Variants in TET2 observed in about 807,000 individuals in gnomAD.
TET2 encodes the protein tet methylcytosine dioxygenase 2, also known as methylcytosine dioxygenase TET2.
In TET2, 299 loss-of-function variants were observed where a neutral mutation model predicts 142.9. The ratio of observed to expected loss-of-function variants is 2.09; its 90% CI spans 1.90 to 2.30. The LOEUF (loss-of-function observed/expected upper bound fraction) is 2.30. TET2 is among the 30% of genes most tolerant of loss of function. The pLI, the probability that TET2 is intolerant of heterozygous loss-of-function variation, is 0.00. For missense variants in TET2, 2,418 were observed against 2,378.0 expected, an observed-to-expected ratio of 1.02 and a Z score of -0.35; for synonymous variants, 819 against 849.0, an observed-to-expected ratio of 0.96 and a Z score of 0.61.
rs1295500116 is a variant in TET2, at chr4:105,243,725, GACGCTGAGGAAATACGGC to G, written c.3756_3773del (p.Arg1253_Leu1258del). 1 of 1,551,604 alleles carries G rather than the reference GACGCTGAGGAAATACGGC, an allele frequency of 6.4e-7. No individual in the cohort carries two copies. The highest frequency in any genetic ancestry group is 8.7e-7 in the Non-Finnish European group (1 of 1,146,960). ...ACAAACTCTACTCGGAGCTTACCGA[GACGCTGAGGAAATACGGC>G]ACGCTCACCAATCGCCGGTGTGCCT... On this transcript the variant is annotated inframe_deletion, in exon 6 of 11. Coordinates refer to ENST00000380013, the MANE Select transcript of TET2 (RefSeq NM_001127208.3).
intron 2 of TET2, among the ~76,000 whole-genome samples, chr4:105,231,636 A>G (rs951328544): frequency 3.9e-5 from 6 of 152,302 alleles, no homozygotes; most frequent in East Asian, 1.9e-4. Flanking sequence ...TTCAACATCT[A>G]TATTCTTATT....
chr4:105,207,362 C>G (rs141228675), intron 2 of TET2, among the ~76,000 whole-genome samples: 4 of 152,124 alleles, frequency 2.6e-5, no homozygotes, highest in Non-Finnish European at 4.4e-5. Context: ...GTGAATAACT[C>G]AAACTGGAAA....
intron 5 of TET2, 72 bp from the exon 6 acceptor site, chr4:105,243,498 C>T: frequency 7.3e-7 from 1 of 1,361,464 alleles, no homozygotes. Flanking sequence ...GTGCCCTTAT[C>T]TGCTGCAAGT....
At chr4:105,198,142 G>T (rs972743177) in intron 2 of TET2, among the ~76,000 whole-genome samples, 1 of 152,116 alleles carries the variant, frequency 6.6e-6, no homozygotes, top group African/African-American at 2.4e-5. Context: ...TTTGAGACCA[G>T]CCTGACCAGT....
chr4:105,236,658 A>C lies in TET2; in HGVS notation c.2716A>C (p.Met906Leu). ...GGGATATAAAAATAGAAACCAAGAT[A>C]TGTCTGGTCAACAAGCTGCGCAACT... ...LQGYKNRNQD[M>L]SGQQAAQLAQ... Residue 906 changes from methionine to leucine, a missense_variant, in exon 3 of 11, where the codon ATG (methionine) becomes CTG (leucine). Met to Leu is a conservative substitution (Grantham distance 15, BLOSUM62 2). Transcript: ENST00000380013. The C allele has an allele frequency of 2.5e-6, 4 of 1,614,084 alleles. No homozygotes were observed. The highest frequency in any genetic ancestry group is 3.4e-6 in the Non-Finnish European group (4 of 1,180,010).
chr4:105,183,919 G>T (rs539491681), intron 1 of TET2, among the ~76,000 whole-genome samples: 75 of 152,216 alleles, frequency 4.9e-4, no homozygotes, highest in Admixed American at 3.7e-3. Flanking sequence ...TTCTAGCGGG[G>T]ATCTCTAAAA....
chr4:105,149,104 C>T (rs1723177109), intron 1 of TET2, among the ~76,000 whole-genome samples: 1 of 152,090 alleles, frequency 6.6e-6, no homozygotes, highest in African/African-American at 2.4e-5. Flanking sequence ...GGTAAACTAT[C>T]GAGAAAACTA....
intron 2 of TET2, among the ~76,000 whole-genome samples, chr4:105,210,967 T>G (rs1727123025): frequency 6.6e-6 from 1 of 152,210 alleles, no homozygotes; most frequent in South Asian, 2.1e-4. Context: ...CACCTATGGC[T>G]TCCCACTGGA....
chr4:105,151,930 C>T (rs1464464351), intron 1 of TET2, among the ~76,000 whole-genome samples: 1 of 151,660 alleles, frequency 6.6e-6, no homozygotes, highest in Non-Finnish European at 1.5e-5. Context: ...CAAAAATTAG[C>T]CGGGCATGGT....
Position 105,234,023 on chromosome 4 carries a change from A to G in TET2, c.81A>G (p.Thr27=). The stretch of plus-strand genomic sequence containing the variant: ...TACCATCACCTCCCATTTGCCAGAC[A>G]GAACCTCTGGCTACAAAGCTCCAGA... ...FLIPSPPICQ[T]EPLATKLQNG... Residue 27 remains threonine (T), a synonymous_variant, in exon 3 of 11, where the codon ACA becomes ACG. Coordinates refer to ENST00000380013, the MANE Select transcript of TET2 (RefSeq NM_001127208.3). 7 of 1,614,108 alleles carry G rather than the reference A, an allele frequency of 4.3e-6. No individual in the cohort carries two copies. In the Middle Eastern group the frequency reaches 4.9e-4, roughly 114 times the overall value.
At chr4:105,262,065 A>G (rs1048515732) in intron 8 of TET2, among the ~76,000 whole-genome samples, 1 of 152,172 alleles carries the variant, frequency 6.6e-6, no homozygotes, top group South Asian at 2.1e-4. Context: ...ATGCGCTTCT[A>G]AAAGTCACAG....
chr4:105,244,903 GT>G, intron 6 of TET2, among the ~76,000 whole-genome samples: 1 of 152,158 alleles, frequency 6.6e-6, no homozygotes, highest in Non-Finnish European at 1.5e-5. Context: ...AATCTTACAA[GT>G]TATTTTGCCC....
At position 105,235,250 on chromosome 4, in the gene TET2, C is replaced by T. The variant is rs773972383; in HGVS notation, c.1308C>T (p.His436=). ...GTGGAGTTTTAGAAGAACACCACCA[C>T]TACCCCAACCAAAGTAACACAACAC... The part of the protein sequence containing the change: ...LNGGVLEEHH[H]YPNQSNTTLL... Residue 436 remains histidine (H), a synonymous_variant, in exon 3 of 11, where the codon CAC becomes CAT. Coordinates refer to ENST00000380013, the MANE Select transcript of TET2 (RefSeq NM_001127208.3). 1 of 1,614,116 alleles carries T rather than the reference C, an allele frequency of 6.2e-7. No individual in the cohort carries two copies. Among genetic ancestry groups the T allele is most frequent in the Non-Finnish European group, 8.5e-7 (1 of 1,180,006 alleles).
At position 105,276,087 on chromosome 4, in the gene TET2, T is replaced by G. The variant is rs1442013023; in HGVS notation, c.5577T>G (p.Ile1859Met). The G allele has an allele frequency of 1.0e-5, 16 of 1,551,526 alleles. No homozygotes were observed. Among genetic ancestry groups the G allele is most frequent in the Non-Finnish European group, 1.4e-5 (16 of 1,146,982 alleles). ...AGCAGAGCTTTCTGGATCCTGACAT[T>G]GGGGGAGTGGCCGTGGCTCCAACTC... Reference protein sequence around the residue: ...DSEQSFLDPDIGGVAVAPTHG... With the variant: ...DSEQSFLDPDMGGVAVAPTHG... The change falls in exon 11 of 11, where the codon ATT becomes ATG. Residue 1859 changes from isoleucine to methionine, a missense_variant. Physicochemically the swap from Ile to Met is conservative, Grantham distance 10. Transcript: ENST00000380013.
At position 105,275,809 on chromosome 4, in the gene TET2, AG is replaced by A. The variant is rs1731190280; in HGVS notation, c.5300del (p.Ser1767MetfsTer53). On this transcript the variant is annotated frameshift_variant, in exon 11 of 11. Coordinates refer to ENST00000380013, the MANE Select transcript of TET2 (RefSeq NM_001127208.3). LOFTEE classifies it low-confidence loss of function (END_TRUNC). ...HSPSHIIHNY[S>X]AAPGMFNSSL... Reference sequence around the variant, plus strand: ...ACCTTCTCACATAATCCATAACTACAGTGCAGCTCCGGGCATGTTCAACAGC... The same window carrying A: ...ACCTTCTCACATAATCCATAACTACATGCAGCTCCGGGCATGTTCAACAGC... 6.4e-7 allele frequency: 1 copy of A among 1,551,616 alleles called. No individual in the cohort carries two copies. The highest frequency in any genetic ancestry group is 8.7e-7 in the Non-Finnish European group (1 of 1,147,006).
At chr4:105,182,235 T>C (rs1725161093) in intron 1 of TET2, among the ~76,000 whole-genome samples, 1 of 152,178 alleles carries the variant, frequency 6.6e-6, no homozygotes, top group Non-Finnish European at 1.5e-5. Context: ...TGCACATGAG[T>C]GTGGCTGTGC....
Position 105,279,541 on chromosome 4 carries a change from C to T in TET2, c.*3022C>T. The T allele has an allele frequency of 4.3e-6, 1 of 232,540 alleles. No individual in the cohort carries two copies. Among genetic ancestry groups the T allele is most frequent in the Non-Finnish European group, 8.5e-6 (1 of 117,662 alleles). The allele number at this position is 232,540 out of a possible 1,614,324, so 14.4% of individuals were successfully genotyped here. ...AGTGATGTACAGTTCACTTCTGAAG[C>T]TAGTGGTTAACTTGTGTAGGAAACT... is the stretch of plus-strand genomic sequence containing the variant. On this transcript the variant is annotated 3_prime_UTR_variant, in exon 11 of 11. Transcript: ENST00000380013.
chr4:105,245,018 C>T (rs1729517713), intron 6 of TET2, among the ~76,000 whole-genome samples: 1 of 152,232 alleles, frequency 6.6e-6, no homozygotes, highest in South Asian at 2.1e-4. Context: ...ATAAGAAATG[C>T]TCATACTGCT....
chr4:105,234,380 TAAG>T lies in TET2; in HGVS notation c.441_443del (p.Lys148del). On this transcript the variant is annotated inframe_deletion, in exon 3 of 11. Transcript: ENST00000380013. ...AACCAAATGTCTCCGATTTGAGTGA[TAAG>T]AAAGAATCTGTGAGTTCTGTAGCCC... 6.2e-7 allele frequency: 1 copy of T among 1,614,040 alleles called. No individual in the cohort carries two copies. Among genetic ancestry groups the T allele is most frequent in the Non-Finnish European group, 8.5e-7 (1 of 1,180,014 alleles).
Sources: allele counts gnomAD v4.1 joint callset (sites outside exome capture counted in the v4.1 genomes callset), GRCh38; gene constraint gnomAD v4.1.1; transcripts MANE v1.5; gene names NCBI Gene and HGNC (gene_info 2026-07-23, HGNC 2026-07-21).